CTNNA1: variants seen among roughly 807,000 people sequenced by gnomAD.
CTNNA1 encodes the protein catenin alpha-1.
CTNNA1 carries 37 observed loss-of-function variants against 98.4 expected under a neutral mutation model. That is an observed-to-expected ratio of 0.38 (90% CI 0.29 to 0.49). The LOEUF is 0.49. CTNNA1 is among the 20% of genes least tolerant of loss of function. CTNNA1 has a pLI of 0.95. For missense variants in CTNNA1, 761 were observed against 1,147.2 expected, an observed-to-expected ratio of 0.66 and a Z score of 4.86; for synonymous variants, 404 against 413.2, an observed-to-expected ratio of 0.98 and a Z score of 0.27.
chr5:138,865,487 T>C (rs1764671633), intron 7 of CTNNA1, among the ~76,000 whole-genome samples: 1 of 152,234 alleles, frequency 6.6e-6, no homozygotes, highest in African/African-American at 2.4e-5. Context: ...CACAGGTTTT[T>C]TCACTTAAGT....
At chr5:138,886,366 A>G in intron 8 of CTNNA1, 74 bp downstream of exon 8, 13 of 1,432,922 alleles carry the variant, frequency 9.1e-6, no homozygotes, top group Non-Finnish European at 1.1e-5. Context: ...CCTAATAAGC[A>G]CTGGCCTTAT....
At chr5:138,895,688 A>C (rs769901574) in intron 9 of CTNNA1, among the ~76,000 whole-genome samples, 1 of 152,082 alleles carries the variant, frequency 6.6e-6, no homozygotes, top group Admixed American at 6.5e-5. Context: ...ATCTCTACTC[A>C]CATAAAGATT....
intron 7 of CTNNA1, among the ~76,000 whole-genome samples, chr5:138,885,825 C>T (rs1468458972): frequency 2.0e-5 from 3 of 152,088 alleles, no homozygotes; most frequent in Non-Finnish European, 4.4e-5. Context: ...TCTCAGAGTT[C>T]ATCAAAATCA....
intron 7 of CTNNA1, among the ~76,000 whole-genome samples, chr5:138,833,410 T>C (rs12188779): frequency 0.99 from 150,488 of 152,352 alleles, 74,327 homozygotes; most frequent in East Asian, 1. Context: ...TGTAAGTACA[T>C]CAGATTTCAG....
intron 3 of CTNNA1, among the ~76,000 whole-genome samples, chr5:138,800,060 C>T (rs1022453957): frequency 2.0e-5 from 3 of 151,972 alleles, no homozygotes; most frequent in African/African-American, 7.3e-5. Context: ...CCACACCCAG[C>T]TAAATTTAGT....
chr5:138,870,073 A>G (rs1339709515), intron 7 of CTNNA1: 1 of 152,146 alleles, frequency 6.6e-6, no homozygotes, highest in Middle Eastern at 3.2e-3. Flanking sequence ...TCTGGTTCTT[A>G]ATGGTCATTT....
chr5:138,851,707 C>G (rs888279200), intron 7 of CTNNA1, among the ~76,000 whole-genome samples: 4 of 151,964 alleles, frequency 2.6e-5, no homozygotes, highest in Non-Finnish European at 5.9e-5. Context: ...TGCAGTGAGC[C>G]GAGATTGCGC....
intron 7 of CTNNA1, among the ~76,000 whole-genome samples, chr5:138,860,094 T>C (rs1383274340): frequency 6.6e-6 from 1 of 152,194 alleles, no homozygotes; most frequent in African/African-American, 2.4e-5. Flanking sequence ...CTTAAAAATA[T>C]TATTTTCCAA....
At position 138,849,815 on chromosome 5, in the gene CTNNA1, G is replaced by A. The variant is rs76381187; in HGVS notation, c.1062+22097G>A. Among the ~76,000 whole-genome samples the A allele has an allele frequency of 4.2e-3, 635 of 152,134 alleles. 2 individuals carry two copies. The highest frequency in any genetic ancestry group is 0.015 in the African/African-American group (603 of 41,492). On this transcript the variant is annotated intron_variant, in intron 7 of 17. Coordinates refer to ENST00000302763, the MANE Select transcript of CTNNA1 (RefSeq NM_001903.5). ...CTTACAGTTGCATTTCCTTATACCT[G>A]ATAAAAAGTTTTTTTTTTTAATTCT...
intron 3 of CTNNA1, among the ~76,000 whole-genome samples, chr5:138,803,632 T>C (rs1327441497): frequency 1.3e-5 from 2 of 152,338 alleles, no homozygotes; most frequent in South Asian, 2.1e-4. Context: ...TCCCTCTACC[T>C]GGAATGCTCT....
At chr5:138,856,404 C>T (rs995052411) in intron 7 of CTNNA1, among the ~76,000 whole-genome samples, 1 of 151,994 alleles carries the variant, frequency 6.6e-6, no homozygotes, top group African/African-American at 2.4e-5. Context: ...GTGTAGTGGC[C>T]GTGATCATAG....
At chr5:138,836,888 T>G (rs1761829235) in intron 7 of CTNNA1, among the ~76,000 whole-genome samples, 1 of 152,252 alleles carries the variant, frequency 6.6e-6, no homozygotes, top group South Asian at 2.1e-4. Context: ...TAAATTTTCT[T>G]TGATATTTTT....
Position 138,874,531 on chromosome 5 carries a change from C to A in CTNNA1, c.1063-11681C>A. The A allele has an allele frequency of 1.9e-6, 3 of 1,576,630 alleles. No homozygotes were observed. The highest frequency in any genetic ancestry group is 2.6e-6 in the Non-Finnish European group (3 of 1,157,994). The stretch of plus-strand genomic sequence containing the variant: ...CATATATTGCTGCCAGCATAGGGGC[C>A]CCTAATGGCCACTTGAAATGTAAGC... On this transcript the variant is annotated intron_variant, in intron 7 of 17. Transcript: ENST00000302763. The surrounding 1 kb of genome is among the most constrained non-coding windows in gnomAD (Gnocchi z 4.1).
intron 1 of CTNNA1, among the ~76,000 whole-genome samples, chr5:138,766,365 G>T (rs1752939555): frequency 6.6e-6 from 1 of 152,028 alleles, no homozygotes; most frequent in African/African-American, 2.4e-5. Flanking sequence ...GGAGACAGGT[G>T]ATAAGGCTGA....
chr5:138,928,859 C>T (rs58982295), intron 13 of CTNNA1, among the ~76,000 whole-genome samples: 5 of 151,992 alleles, frequency 3.3e-5, no homozygotes, highest in African/African-American at 7.2e-5. Flanking sequence ...CTCTTGAACC[C>T]GGGAGGCGGA....
intron 11 of CTNNA1, among the ~76,000 whole-genome samples, chr5:138,921,596 A>ATTTTTTTTTTTTT (rs386405098): frequency 1.9e-5 from 2 of 104,048 alleles, no homozygotes; most frequent in African/African-American, 8.2e-5. Flanking sequence ...ATTAGTGGTG[A>ATTTTTTTTTTTTT]TTTTTTTTTT....
At chr5:138,780,708 G>A (rs894318580) in intron 1 of CTNNA1, among the ~76,000 whole-genome samples, 1 of 151,750 alleles carries the variant, frequency 6.6e-6, no homozygotes. Flanking sequence ...TAGAGACAGG[G>A]TTTATCCTTG....
chr5:138,865,172 T>C (rs969558834), intron 7 of CTNNA1, among the ~76,000 whole-genome samples: 5 of 152,182 alleles, frequency 3.3e-5, no homozygotes, highest in Non-Finnish European at 5.9e-5. Context: ...TATAATGTAG[T>C]AGGTGTTTAC....
At chr5:138,754,248 A>G (rs952380999) in intron 1 of CTNNA1, 22 of 144,514 alleles carry the variant, frequency 1.5e-4, no homozygotes. Context: ...TTTTTTTTTA[A>G]TTGTTGTTGA....
Sources: allele counts gnomAD v4.1 joint callset (sites outside exome capture counted in the v4.1 genomes callset), GRCh38; gene constraint gnomAD v4.1.1; non-coding constraint Gnocchi (gnomAD v3.1); transcripts MANE v1.5; gene names NCBI Gene and HGNC (gene_info 2026-07-23, HGNC 2026-07-21).